The following LPCAT1 variants were observed in gnomAD, a reference collection of about 807,000 sequenced individuals.
LPCAT1 encodes lysophosphatidylcholine acyltransferase 1, also known as 1-acylglycerol-3-phosphate O-acyltransferase.
In LPCAT1, 23 loss-of-function variants were observed where a neutral mutation model predicts 60.9. The observed-to-expected ratio is 0.38, with a 90% CI of 0.27 to 0.53. The LOEUF is 0.53. Among genes scored for constraint, LPCAT1 ranks in the 20% least tolerant of loss-of-function variants. LPCAT1 has a pLI of 0.82. For missense variants in LPCAT1, 622 were observed against 723.6 expected (o/e 0.86, Z 1.61); for synonymous variants, 340 against 301.1 (o/e 1.13, Z -1.34).
rs1049490265 is a variant in LPCAT1 at position 1,496,753 on chromosome 5, T to C, written c.279-1839A>G. On this transcript the variant is annotated intron_variant, in intron 2 of 13. Coordinates refer to ENST00000283415, the MANE Select transcript of LPCAT1 (RefSeq NM_024830.5). This position sits in a 1 kb window ranked among gnomAD's most constrained non-coding sequence, Gnocchi z 4.7. ...TTGGAGGAATTTTATACCCAAACTA[T>C]CCACATGTGAAAACCCGGACTGCTG... is the stretch of plus-strand genomic sequence containing the variant. Among the ~76,000 whole-genome samples the C allele has an allele frequency of 2.6e-5, 4 of 151,990 alleles. No homozygotes were observed. The highest frequency in any genetic ancestry group is 4.4e-5 in the Non-Finnish European group (3 of 67,996).
At chr5:1,492,763 C>CA (rs1735638456) in intron 3 of LPCAT1, among the ~76,000 whole-genome samples, 1 of 152,194 alleles carries the variant, frequency 6.6e-6, no homozygotes, top group Non-Finnish European at 1.5e-5. Context: ...ATCACCGCAC[C>CA]AAACACTCCT....
rs530408935 is a variant in LPCAT1, at chr5:1,478,193, T to G, written c.817-707A>C. On this transcript the variant is annotated intron_variant, in intron 8 of 13. Coordinates refer to ENST00000283415, the MANE Select transcript of LPCAT1 (RefSeq NM_024830.5). ...AATTTGTCCTTGCCTGAGTGACACT[T>G]ACACAGCATTTTAAATGAATATGAC... is the stretch of plus-strand genomic sequence containing the variant. Among the ~76,000 whole-genome samples the G allele has an allele frequency of 5.9e-5, 9 of 152,388 alleles. No individual in the cohort carries two copies. In the East Asian group the frequency reaches 1.7e-3, roughly 29 times the overall value.
intron 5 of LPCAT1, among the ~76,000 whole-genome samples, chr5:1,485,219 G>C (rs1735325292): frequency 6.6e-6 from 1 of 152,176 alleles, no homozygotes; most frequent in Admixed American, 6.5e-5. Flanking sequence ...TCTCAGGAAA[G>C]TCCCCAAGAG....
Position 1,522,840 on chromosome 5 carries a change from A to C in LPCAT1, c.135+870T>G, listed in dbSNP as rs1371514840. ...TGAGAGTGGATCTCAGGTAACTGTA[A>C]GCCCAGCTGGCAGCCAGGTAGCCGG... On this transcript the variant is annotated intron_variant, in intron 1 of 13. Transcript: ENST00000283415. This position sits in a 1 kb window ranked among gnomAD's most constrained non-coding sequence, Gnocchi z 6.8. 1.3e-5 allele frequency among the ~76,000 whole-genome samples: 2 copies of C among 152,122 alleles called. No individual in the cohort carries two copies. The highest frequency in any genetic ancestry group is 2.9e-5 in the Non-Finnish European group (2 of 68,016).
intron 3 of LPCAT1, among the ~76,000 whole-genome samples, chr5:1,490,589 C>T (rs945107176): frequency 2.0e-5 from 3 of 152,202 alleles, no homozygotes; most frequent in African/African-American, 7.2e-5. Flanking sequence ...GGAGAATATG[C>T]TCCTGTTGTT....
At chr5:1,492,022 G>A (rs1160157892) in intron 3 of LPCAT1, among the ~76,000 whole-genome samples, 2 of 151,874 alleles carry the variant, frequency 1.3e-5, no homozygotes, top group Non-Finnish European at 2.9e-5. Context: ...GGGACCAGGG[G>A]AGATGTCTCT....
In LPCAT1 at chr5:1,521,463, T is replaced by G; in HGVS notation, c.135+2247A>C. On this transcript the variant is annotated intron_variant, in intron 1 of 13. Transcript: ENST00000283415. This position sits in a 1 kb window ranked among gnomAD's most constrained non-coding sequence, Gnocchi z 4.3. ...GGCTTTCTTGGCTTGAAAGACAGGC[T>G]ATTTCACTCTGTGGAAACTTTACAA... 1.0e-6 allele frequency: 1 copy of G among 985,402 alleles called. No homozygotes were observed. 61.0% of individuals were successfully genotyped at this position (985,402 alleles called of 1,614,324 possible).
At chr5:1,505,803 C>T (rs1359196641) in intron 1 of LPCAT1, among the ~76,000 whole-genome samples, 1 of 152,248 alleles carries the variant, frequency 6.6e-6, no homozygotes, top group Admixed American at 6.5e-5. Context: ...TGCATCCATG[C>T]ACCTGCTGCT....
intron 3 of LPCAT1, among the ~76,000 whole-genome samples, chr5:1,491,111 GTC>G (rs949901895): frequency 2.7e-5 from 4 of 146,638 alleles, no homozygotes; most frequent in African/African-American, 5.0e-5. Context: ...TGTCTGTTGG[GTC>G]TCTGTGGTCT....
intron 1 of LPCAT1, among the ~76,000 whole-genome samples, chr5:1,513,149 C>T (rs776382748): frequency 6.6e-6 from 1 of 152,170 alleles, no homozygotes; most frequent in Non-Finnish European, 1.5e-5. Flanking sequence ...GGTGCCGGAG[C>T]CGCTCCTCCG....
At chr5:1,520,817 C>T (rs539688129) in intron 1 of LPCAT1, among the ~76,000 whole-genome samples, 5 of 134,438 alleles carry the variant, frequency 3.7e-5, no homozygotes, top group South Asian at 4.6e-4. Flanking sequence ...GAGCCGATAT[C>T]GCACCTCTGC....
At chr5:1,472,882 C>T (rs1042212045) in intron 11 of LPCAT1, among the ~76,000 whole-genome samples, 5 of 152,158 alleles carry the variant, frequency 3.3e-5, no homozygotes, top group African/African-American at 1.2e-4. Context: ...CTGGGGGCCC[C>T]TCTGGTGCGT....
chr5:1,465,966 T>G (rs1734379669), intron 13 of LPCAT1, among the ~76,000 whole-genome samples: 1 of 152,208 alleles, frequency 6.6e-6, no homozygotes, highest in East Asian at 1.9e-4. Context: ...AGTGCGCACA[T>G]CCGCACTCCC....
intron 13 of LPCAT1, among the ~76,000 whole-genome samples, chr5:1,465,872 C>A (rs142741915): frequency 1.7e-5 from 1 of 60,602 alleles, no homozygotes; most frequent in Admixed American, 1.8e-4. Context: ...AGTACTGAAA[C>A]AAACGCACAC....
chr5:1,475,685 C>T (rs556785702), intron 9 of LPCAT1, among the ~76,000 whole-genome samples: 1 of 152,348 alleles, frequency 6.6e-6, no homozygotes, highest in Non-Finnish European at 1.5e-5. Context: ...GGAAACCAGC[C>T]GGGAGGAGGC....
At chr5:1,513,264 G>A (rs1009061304) in intron 1 of LPCAT1, among the ~76,000 whole-genome samples, 1 of 152,202 alleles carries the variant, frequency 6.6e-6, no homozygotes, top group African/African-American at 2.4e-5. Flanking sequence ...TGAAGGGTTT[G>A]GGACACCCAG....
chr5:1,503,664 C>T (rs918040735), intron 1 of LPCAT1, among the ~76,000 whole-genome samples: 15 of 152,236 alleles, frequency 9.9e-5, no homozygotes, highest in East Asian at 1.9e-4. Context: ...ACGAAACCAG[C>T]GTGCACCCAT....
At chr5:1,473,816 AGGGTG>A in intron 11 of LPCAT1, 136 bp downstream of exon 11, 1 of 926,408 alleles carries the variant, frequency 1.1e-6, no homozygotes, top group African/African-American at 1.7e-5. Flanking sequence ...TCAAAATGAT[AGGGTG>A]GGGTGGTGAT....
Position 1,494,822 on chromosome 5 carries a change from G to T in LPCAT1, c.371C>A (p.Pro124His). ...RVAVKGRQALPTEAAILTLAP... is the reference protein window; with the variant it reads ...RVAVKGRQALHTEAAILTLAP... ...GAGCGTGAGGATGGCCGCCTCGGTG[G>T]GCAGCGCCTGCCGCCCCTTCACGGC... The change falls in exon 3 of 14, where the codon CCC becomes CAC. Residue 124 changes from proline (P) to histidine (H), a missense_variant. Pro to His is a moderately conservative substitution (Grantham distance 77). Coordinates refer to ENST00000283415, the MANE Select transcript of LPCAT1 (RefSeq NM_024830.5). The T allele has an allele frequency of 6.2e-6, 10 of 1,613,592 alleles. No individual in the cohort carries two copies. The highest frequency in any genetic ancestry group is 7.6e-6 in the Non-Finnish European group (9 of 1,179,914).
Sources: allele counts gnomAD v4.1 joint callset (sites outside exome capture counted in the v4.1 genomes callset), GRCh38; gene constraint gnomAD v4.1.1; non-coding constraint Gnocchi (gnomAD v3.1); transcripts MANE v1.5; gene names NCBI Gene and HGNC (gene_info 2026-07-23, HGNC 2026-07-21).